CD1A: variants seen among roughly 807,000 people sequenced by gnomAD.
CD1A encodes the protein CD1a molecule.
In CD1A, 50 loss-of-function variants were observed where a neutral mutation model predicts 38.3. The observed-to-expected ratio is 1.30, with a 90% CI of 1.04 to 1.65. The LOEUF (loss-of-function observed/expected upper bound fraction) is 1.65, where lower values mean the gene tolerates loss of function less well. Ranked by LOEUF, CD1A falls within the 40% of genes most tolerant of loss-of-function variation. The pLI, the probability that CD1A is intolerant of heterozygous loss-of-function variation, is 0.00. For synonymous variants in CD1A, 160 were observed against 150.8 expected, an observed-to-expected ratio of 1.06 and a Z score of -0.45; for missense variants, 459 against 406.1, an observed-to-expected ratio of 1.13 and a Z score of -1.12.
intron 2 of CD1A, among the ~76,000 whole-genome samples, 167 bp from the exon 3 acceptor site, chr1:158,255,837 A>G (rs1650239899): frequency 6.6e-6 from 1 of 152,008 alleles, no homozygotes; most frequent in South Asian, 2.1e-4. Context: ...CTTTTCCTCC[A>G]CCTACAGCTC....
rs774994865 is a variant in CD1A at position 158,255,126 on chromosome 1, C to T, written c.101C>T (p.Ser34Phe). ...TCCTTCCATGTCACCTGGATCGCAT[C>T]CTTTTACAACCATTCCTGGAAACAA... is the stretch of plus-strand genomic sequence containing the variant. ...PLSFHVTWIA[S>F]FYNHSWKQNL... Residue 34 changes from serine to phenylalanine, a missense_variant, in exon 2 of 6, where the codon TCC becomes TTC. Physicochemically the swap from Ser to Phe is radical, Grantham distance 155. Coordinates refer to ENST00000289429, the MANE Select transcript of CD1A (RefSeq NM_001763.3). The T allele has an allele frequency of 3.7e-6, 6 of 1,613,944 alleles. No homozygotes were observed. The highest frequency in any genetic ancestry group is 5.1e-6 in the Non-Finnish European group (6 of 1,180,006).
Position 158,257,164 on chromosome 1 carries a change from C to T in CD1A, c.883+100C>T, listed in dbSNP as rs1368246838. On this transcript the variant is annotated intron_variant, in intron 4 of 5. Transcript: ENST00000289429. ...ATTTTAGGATTTTAGGGATTATAGC[C>T]CAAACATGAATAAAAATAGATAATC... is the stretch of plus-strand genomic sequence containing the variant. 5.0e-6 allele frequency: 7 copies of T among 1,390,532 alleles called. No individual in the cohort carries two copies. In the East Asian group the frequency reaches 9.3e-5, roughly 19 times the overall value. 86.1% of individuals were successfully genotyped at this position (1,390,532 alleles called of 1,614,324 possible).
In CD1A at chr1:158,254,727, G is replaced by A. The variant is rs758570886; in HGVS notation, c.58G>A (p.Gly20Arg). 17 of 1,608,302 alleles carry A rather than the reference G, an allele frequency of 1.1e-5. No individual in the cohort carries two copies. The highest frequency in any genetic ancestry group is 5.4e-5 in the African/African-American group (4 of 74,598). ...AVLPGDGNAD[G>R]LKEPLSFHVT... ...TCTCCCAGGTGATGGCAATGCAGAC[G>A]GTAAGAACTCTGACAACTGCCCAGT... The change falls in exon 1 of 6, where the codon GGG (glycine) becomes AGG (arginine). Residue 20 changes from glycine (G) to arginine (R), a missense_variant and splice_region_variant. Transcript: ENST00000289429.
intron 4 of CD1A, 24 bp from the exon 5 acceptor site, chr1:158,257,397 C>T (rs1049869315): frequency 6.4e-7 from 1 of 1,566,964 alleles, no homozygotes; most frequent in Non-Finnish European, 8.8e-7. Context: ...TTATAACATC[C>T]TTGGTGTCTC....
At chr1:158,254,162 A>G (rs1359810064), upstream of CD1A, 43 of 992,862 alleles carry the variant, frequency 4.3e-5, no homozygotes, top group African/African-American at 5.3e-5. Flanking sequence ...ACTCTGAAAA[A>G]GCAAATAAAT....
chr1:158,254,973 A>G lies in CD1A; in HGVS notation c.59-111A>G, dbSNP rs1184033329. On this transcript the variant is annotated intron_variant, in intron 1 of 5. Transcript: ENST00000289429. ...TGGCAAGTGAATGTCTGCTAAGATC[A>G]TGATGGATCCCCTTTTCTCCAGATT... 8.0e-6 allele frequency: 9 copies of G among 1,129,570 alleles called. No homozygotes were observed. In the East Asian group the frequency reaches 1.4e-4, roughly 18 times the overall value. 70.0% of individuals were successfully genotyped at this position (1,129,570 alleles called of 1,614,324 possible).
chr1:158,257,426 C>T lies in CD1A; in HGVS notation c.889C>T (p.His297Tyr), dbSNP rs747242400. 1 of 1,612,926 alleles carries T rather than the reference C, an allele frequency of 6.2e-7. No individual in the cohort carries two copies. Among genetic ancestry groups the T allele is most frequent in the Non-Finnish European group, 8.5e-7 (1 of 1,178,880 alleles). ...GTGTCTCCCCAAATTCACAGAGCATCACAGTTCCGTGGGCTTCATCATCTT... is the reference window on the plus strand; with the variant it reads ...GTGTCTCCCCAAATTCACAGAGCATTACAGTTCCGTGGGCTTCATCATCTT... The part of the protein sequence containing the change: ...GQDIVLYWEH[H>Y]SSVGFIILAV... The change falls in exon 5 of 6, where the codon CAC (histidine) becomes TAC (tyrosine). Residue 297 changes from histidine to tyrosine, a missense_variant. His to Tyr is a moderately conservative substitution (Grantham distance 83). Coordinates refer to ENST00000289429, the MANE Select transcript of CD1A (RefSeq NM_001763.3).
At chr1:158,254,089 C>T (rs181744839), upstream of CD1A, 77 of 82,224 alleles carry the variant, frequency 9.4e-4, no homozygotes, top group African/African-American at 3.1e-3. Flanking sequence ...GTTACTGGCT[C>T]TTCTCTAAGA....
intron 3 of CD1A, 97 bp downstream of exon 3, chr1:158,256,379 G>A: frequency 8.1e-7 from 1 of 1,242,066 alleles, no homozygotes; most frequent in Non-Finnish European, 1.1e-6. Flanking sequence ...CCACCCAGAA[G>A]TGGGAAAGGC....
rs1215203927 is a variant in CD1A, at chr1:158,257,470, ACTT to A, written c.939_941del (p.Leu314del). ...TCATCTTGGCGGTGATAGTGCCTTT[ACTT>A]CTTCTGATAGGTCTTGCGCTTTGGT... On this transcript the variant is annotated inframe_deletion, in exon 5 of 6. Transcript: ENST00000289429. The A allele has an allele frequency of 3.1e-6, 5 of 1,613,930 alleles. No homozygotes were observed. In the African/African-American group the frequency reaches 4.0e-5, roughly 13 times the overall value.
chr1:158,255,891 T>C, intron 2 of CD1A, 113 bp from the exon 3 acceptor site: 1 of 1,088,976 alleles, frequency 9.2e-7, no homozygotes, highest in Non-Finnish European at 1.3e-6. Context: ...AACCAAATTT[T>C]ATTCCATTAT....
At position 158,257,816 on chromosome 1, in the gene CD1A, T is replaced by C; in HGVS notation, c.*126T>C. 1.2e-6 allele frequency: 1 copy of C among 818,942 alleles called. No homozygotes were observed. The highest frequency in any genetic ancestry group is 2.0e-6 in the Non-Finnish European group (1 of 495,096). The allele number at this position is 818,942 out of a possible 1,614,324, so 50.7% of individuals were successfully genotyped here. A position where few individuals can be genotyped will look rare whatever the true frequency, so the allele number is the denominator to read the frequency against. ...CTCTCAACTCTCTTTGTAAAAATTT[T>C]GTTATTTTTGCTTGTTTCTGATTAA... On this transcript the variant is annotated 3_prime_UTR_variant, in exon 6 of 6. Coordinates refer to ENST00000289429, the MANE Select transcript of CD1A (RefSeq NM_001763.3).
Position 158,257,695 on chromosome 1 carries a change from C to T in CD1A, c.*5C>T. On this transcript the variant is annotated 3_prime_UTR_variant, in exon 6 of 6. Coordinates refer to ENST00000289429, the MANE Select transcript of CD1A (RefSeq NM_001763.3). Reference sequence around the variant, plus strand: ...TTCTCATCCAGTTTCTGTTAAGACACACCATGAGCCTCCTCGTCACCCTTC... The same window carrying T: ...TTCTCATCCAGTTTCTGTTAAGACATACCATGAGCCTCCTCGTCACCCTTC... 1 of 1,613,828 alleles carries T rather than the reference C, an allele frequency of 6.2e-7. No individual in the cohort carries two copies. The highest frequency in any genetic ancestry group is 8.5e-7 in the Non-Finnish European group (1 of 1,179,710).
At chr1:158,248,383 A>G in the CD1A span, 1 of 985,306 alleles carries the variant, frequency 1.0e-6, no homozygotes, top group Non-Finnish European at 1.2e-6. Context: ...AGAATTTAGG[A>G]GCCATGTTTG....
At chr1:158,255,883 C>T in intron 2 of CD1A, 121 bp from the exon 3 acceptor site, 3 of 1,033,488 alleles carry the variant, frequency 2.9e-6, no homozygotes, top group Non-Finnish European at 4.2e-6. Flanking sequence ...CCTGACCAAA[C>T]CAAATTTTAT....
upstream of CD1A, among the ~76,000 whole-genome samples, chr1:158,250,953 G>A (rs1039170132): frequency 1.3e-5 from 2 of 152,190 alleles, no homozygotes; most frequent in Admixed American, 6.5e-5. Flanking sequence ...TAACATGGGG[G>A]TTAGGAGTGA....
rs1285748289 is a variant in CD1A, at chr1:158,257,731, G to T, written c.*41G>T. 1 of 1,602,100 alleles carries T rather than the reference G, an allele frequency of 6.2e-7. No individual in the cohort carries two copies. The highest frequency in any genetic ancestry group is 2.2e-5 in the East Asian group (1 of 44,822). On this transcript the variant is annotated 3_prime_UTR_variant, in exon 6 of 6. Coordinates refer to ENST00000289429, the MANE Select transcript of CD1A (RefSeq NM_001763.3). ...TCCTCGTCACCCTTCTCCTTTTGGG[G>T]TGAGAGACCAGCAGCCCAAGGGCTC...
chr1:158,249,010 C>A, the CD1A span, among the ~76,000 whole-genome samples: 1 of 152,214 alleles, frequency 6.6e-6, no homozygotes, highest in African/African-American at 2.4e-5. Context: ...CAATCTGTGC[C>A]CAACTTCCTC....
Position 158,255,196 on chromosome 1 carries a change from G to T in CD1A, c.171G>T (p.Trp57Cys). 1 of 1,614,060 alleles carries T rather than the reference G, an allele frequency of 6.2e-7. No homozygotes were observed. The highest frequency in any genetic ancestry group is 2.2e-5 in the East Asian group (1 of 44,866). ...GWLSDLQTHT[W>C]DSNSSTIVFL... ...TGAGTGATTTGCAGACTCATACCTG[G>T]GACAGCAATTCCAGCACCATCGTTT... The change falls in exon 2 of 6, where the codon TGG becomes TGT. Residue 57 changes from tryptophan (W) to cysteine (C), a missense_variant. Coordinates refer to ENST00000289429, the MANE Select transcript of CD1A (RefSeq NM_001763.3).
Sources: gnomAD v4.1 joint callset for allele counts (sites outside exome capture counted in the v4.1 genomes callset) on GRCh38, gnomAD v4.1.1 for gene constraint, MANE v1.5 for transcripts, NCBI Gene and HGNC (gene_info 2026-07-23, HGNC 2026-07-21) for gene names.